The following UNC13B variants were observed in gnomAD, a reference collection of about 807,000 sequenced individuals.
UNC13B encodes protein unc-13 homolog B.
Under a neutral mutation model 211.0 loss-of-function variants are expected in UNC13B, and 144 were observed. The ratio of observed to expected loss-of-function variants is 0.68; its 90% CI spans 0.60 to 0.78. The LOEUF (loss-of-function observed/expected upper bound fraction) is 0.78, where lower values mean the gene tolerates loss of function less well. Ranked by LOEUF, UNC13B falls within the 30% of genes least tolerant of loss-of-function variation. The pLI is 0.00. For missense variants in UNC13B, 1,777 were observed against 2,002.0 expected (o/e 0.89, Z 2.14); for synonymous variants, 709 against 725.8 (o/e 0.98, Z 0.37).
intron 22 of UNC13B, chr9:35,385,401 C>T (rs1835123518): frequency 1.0e-6 from 1 of 962,094 alleles, no homozygotes; most frequent in Non-Finnish European, 1.2e-6. Flanking sequence ...GAATCTTCAT[C>T]CAAGAAAAAA....
At chr9:35,287,976 TTCATCCAG>T (rs1337033513) in intron 7 of UNC13B, among the ~76,000 whole-genome samples, 1 of 152,168 alleles carries the variant, frequency 6.6e-6, no homozygotes, top group Non-Finnish European at 1.5e-5. Context: ...TGATGTCACA[TTCATCCAG>T]TAGCTCAAGC....
chr9:35,259,295 C>A (rs958869258), intron 7 of UNC13B, among the ~76,000 whole-genome samples: 1 of 152,004 alleles, frequency 6.6e-6, no homozygotes, highest in African/African-American at 2.4e-5. Context: ...TTAGCTTCTA[C>A]CCCTGGAGGA....
rs1458828105 is a variant in UNC13B at position 35,303,220 on chromosome 9, C to A, written c.3816C>A (p.Ser1272=). Residue 1272 remains serine, a synonymous_variant, in exon 9 of 40, where the codon TCC becomes TCA. Transcript: ENST00000635942. ...CTGGGGATGATAATCATTATTGTTCCCCTACAGAGAAAAACCAGCAAAGTG... is the reference window on the plus strand; with the variant it reads ...CTGGGGATGATAATCATTATTGTTCACCTACAGAGAAAAACCAGCAAAGTG... The part of the protein sequence containing the change: ...SDAGDDNHYC[S]PTEKNQQSEK... 2.5e-6 allele frequency: 1 copy of A among 398,436 alleles called. No individual in the cohort carries two copies. Among genetic ancestry groups the A allele is most frequent in the Non-Finnish European group, 4.4e-6 (1 of 225,786 alleles). The allele number at this position is 398,436 out of a possible 1,614,324, so 24.7% of individuals were successfully genotyped here. A position where few individuals can be genotyped will look rare whatever the true frequency, so the allele number is the denominator to read the frequency against.
In UNC13B at chr9:35,310,493, C is replaced by T. The variant is rs199517826; in HGVS notation, c.9035C>T (p.Ser3012Phe). The T allele has an allele frequency of 2.0e-5, 32 of 1,613,842 alleles. No individual in the cohort carries two copies. Among genetic ancestry groups the T allele is most frequent in the Admixed American group, 6.7e-5 (4 of 59,984 alleles). ...CCCACCAGCAGCAGTAGGTATGGCT[C>T]CTCCTGTAATGTGAGTCAAGGAAGC... ...KSPTSSSRYG[S>F]SCNVSQGSSQ... is the part of the protein sequence containing the mutation. Residue 3012 changes from serine (S) to phenylalanine (F), a missense_variant, in exon 10 of 40, where the codon TCC becomes TTC. Transcript: ENST00000635942.
In UNC13B at chr9:35,404,088, G is replaced by A. The variant is rs1836530851; in HGVS notation, c.*55G>A. ...GCAGCAATTTCACAAATCAGGGCCA[G>A]TGGGAGTTAGCTGTGTAACCGGCTT... On this transcript the variant is annotated 3_prime_UTR_variant, in exon 40 of 40. Coordinates refer to ENST00000635942, the MANE Select transcript of UNC13B (RefSeq NM_001371189.2). 1.9e-6 allele frequency: 3 copies of A among 1,577,004 alleles called. No homozygotes were observed. Among genetic ancestry groups the A allele is most frequent in the Non-Finnish European group, 2.6e-6 (3 of 1,163,532 alleles).
intron 22 of UNC13B, chr9:35,384,545 A>G: frequency 3.0e-6 from 3 of 985,372 alleles, no homozygotes; most frequent in Non-Finnish European, 3.6e-6. Context: ...TGTCTTTCCA[A>G]CCTCATTCTT....
At chr9:35,382,257 T>A in intron 20 of UNC13B, 100 bp from the exon 21 acceptor site, 1 of 1,495,172 alleles carries the variant, frequency 6.7e-7, no homozygotes, top group Non-Finnish European at 9.0e-7. Context: ...GCAATTGCCC[T>A]GGCTGTGCTT....
Position 35,334,082 on chromosome 9 carries a change from C to T in UNC13B, c.9414+20093C>T, listed in dbSNP as rs372737308. Among the ~76,000 whole-genome samples, 112 of 152,150 alleles carry T rather than the reference C, an allele frequency of 7.4e-4. 1 individual carries two copies. The South Asian group carries it at 0.018, about 25-fold the overall frequency. On this transcript the variant is annotated intron_variant, in intron 11 of 39. Coordinates refer to ENST00000635942, the MANE Select transcript of UNC13B (RefSeq NM_001371189.2). ...CCTGGTTCAAGTGATTCTCCTGCCTCAGCCTCCCAAGTAGCTGGGATTACA... is the reference window on the plus strand; with the variant it reads ...CCTGGTTCAAGTGATTCTCCTGCCTTAGCCTCCCAAGTAGCTGGGATTACA...
chr9:35,270,937 G>A (rs1171668939), intron 7 of UNC13B, among the ~76,000 whole-genome samples: 6 of 152,030 alleles, frequency 3.9e-5, no homozygotes, highest in African/African-American at 1.4e-4. Context: ...TCAGGAGATC[G>A]AGACCATCCT....
intron 10 of UNC13B, among the ~76,000 whole-genome samples, chr9:35,311,830 T>G (rs995044733): frequency 1.3e-5 from 2 of 152,100 alleles, no homozygotes; most frequent in African/African-American, 4.8e-5. Flanking sequence ...TTGGTATCCA[T>G]AGGAAGAAAA....
At position 35,302,634 on chromosome 9, in the gene UNC13B, A is replaced by T. The variant is rs566204470; in HGVS notation, c.3230A>T (p.Asp1077Val). 1.5e-5 allele frequency: 6 copies of T among 398,662 alleles called. No individual in the cohort carries two copies. Among genetic ancestry groups the T allele is most frequent in the East Asian group, 3.6e-5 (1 of 28,056 alleles). The allele number at this position is 398,662 out of a possible 1,614,324, so 24.7% of individuals were successfully genotyped here. A position where few individuals can be genotyped will look rare whatever the true frequency, so the allele number is the denominator to read the frequency against. Reference protein sequence around the residue: ...DHTAGQNFERDGLAIPGVVPK... With the variant: ...DHTAGQNFERVGLAIPGVVPK... ...ACAGCAGGACAGAATTTTGAAAGGG[A>T]TGGCTTAGCCATCCCTGGAGTTGTG... Residue 1077 changes from aspartate (D) to valine (V), a missense_variant, in exon 9 of 40, where the codon GAT becomes GTT. Asp to Val is a radical substitution (Grantham distance 152). Transcript: ENST00000635942.
intron 5 of UNC13B, 46 bp from the exon 6 acceptor site, chr9:35,243,245 C>G: frequency 6.4e-7 from 1 of 1,574,444 alleles, no homozygotes. Flanking sequence ...TGATTTATTA[C>G]CTGCTGATGT....
At chr9:35,311,250 C>T (rs976621789) in intron 10 of UNC13B, among the ~76,000 whole-genome samples, 8 of 152,176 alleles carry the variant, frequency 5.3e-5, no homozygotes, top group African/African-American at 1.9e-4. Flanking sequence ...GGGATTACAG[C>T]GGTGTGCCAC....
At chr9:35,173,532 T>C (rs539892584) in intron 1 of UNC13B, among the ~76,000 whole-genome samples, 125 of 152,174 alleles carry the variant, frequency 8.2e-4, no homozygotes, top group African/African-American at 2.9e-3. Context: ...CAAGCGATTC[T>C]TGTGCCTCAG....
chr9:35,380,321 T>G (rs944123316), intron 17 of UNC13B, 149 bp from the exon 18 acceptor site: 2 of 847,486 alleles, frequency 2.4e-6, no homozygotes, highest in Non-Finnish European at 3.6e-6. Context: ...TAGCCCAACT[T>G]TCTTGGAACT....
intron 15 of UNC13B, among the ~76,000 whole-genome samples, chr9:35,376,684 G>A (rs192667065): frequency 1.3e-5 from 2 of 152,342 alleles, no homozygotes; most frequent in South Asian, 2.1e-4. Flanking sequence ...AGGGAAGGCA[G>A]CATTCATTAC....
chr9:35,296,714 T>A (rs1587562707), intron 8 of UNC13B, among the ~76,000 whole-genome samples: 1 of 152,238 alleles, frequency 6.6e-6, no homozygotes, highest in African/African-American at 2.4e-5. Context: ...ACATTTACTT[T>A]ATCTCATTCT....
intron 1 of UNC13B, among the ~76,000 whole-genome samples, chr9:35,181,394 G>A (rs1017934553): frequency 5.3e-5 from 8 of 152,074 alleles, no homozygotes; most frequent in Admixed American, 5.2e-4. Flanking sequence ...GTGTTTTATT[G>A]ACATATAGTA....
intron 1 of UNC13B, among the ~76,000 whole-genome samples, chr9:35,190,465 A>G (rs1459437392): frequency 6.6e-6 from 1 of 152,216 alleles, no homozygotes; most frequent in Non-Finnish European, 1.5e-5. Flanking sequence ...ACACAATGCA[A>G]AACAGAACTG....
Sources: gnomAD v4.1 joint callset for allele counts (sites outside exome capture counted in the v4.1 genomes callset) on GRCh38, gnomAD v4.1.1 for gene constraint, MANE v1.5 for transcripts, NCBI Gene and HGNC (gene_info 2026-07-23, HGNC 2026-07-21) for gene names.